TSPAN9: variants seen among roughly 807,000 people sequenced by gnomAD.
TSPAN9 encodes the protein tetraspanin 9, also known as tetraspanin-9.
Under a neutral mutation model 31.0 loss-of-function variants are expected in TSPAN9, and 16 were observed. That is an observed-to-expected ratio of 0.52 (90% CI 0.35 to 0.78). TSPAN9 has a LOEUF of 0.78. Among genes scored for constraint, TSPAN9 ranks in the 30% least tolerant of loss-of-function variants. The pLI, the probability that TSPAN9 is intolerant of heterozygous loss-of-function variation, is 0.01. For synonymous variants in TSPAN9, 145 were observed against 121.6 expected, an observed-to-expected ratio of 1.19 and a Z score of -1.27; for missense variants, 272 against 312.5, an observed-to-expected ratio of 0.87 and a Z score of 0.98.
chr12:3,142,698 T>C (rs1202714852), intron 2 of TSPAN9, among the ~76,000 whole-genome samples: 1 of 152,206 alleles, frequency 6.6e-6, no homozygotes, highest in Non-Finnish European at 1.5e-5. Flanking sequence ...GTGCCTGCGG[T>C]GCGTATCTCC....
chr12:3,205,871 G>C (rs539393413), intron 3 of TSPAN9, among the ~76,000 whole-genome samples: 1 of 152,254 alleles, frequency 6.6e-6, no homozygotes, highest in African/African-American at 2.4e-5. Flanking sequence ...CTCCTGGAAT[G>C]TGGCCGTGAG....
Position 3,280,356 on chromosome 12 carries a change from T to C in TSPAN9, c.331-26T>C. ...ACGAGCTGCGTCCTGGTTCCAACCG[T>C]CTCACTGTGTCCCTCCGCCTGGCAG... is the stretch of plus-strand genomic sequence containing the variant. On this transcript the variant is annotated intron_variant, in intron 5 of 8. Transcript: ENST00000011898. This position sits in a 1 kb window ranked among gnomAD's most constrained non-coding sequence, Gnocchi z 4.5. 6.2e-7 allele frequency: 1 copy of C among 1,607,150 alleles called. No homozygotes were observed. The highest frequency in any genetic ancestry group is 8.5e-7 in the Non-Finnish European group (1 of 1,176,598).
At chr12:3,177,822 A>C (rs906514146) in intron 2 of TSPAN9, among the ~76,000 whole-genome samples, 1 of 152,210 alleles carries the variant, frequency 6.6e-6, no homozygotes, top group Non-Finnish European at 1.5e-5. Context: ...CCAGGAAACA[A>C]AGAAGTGAAA....
intron 2 of TSPAN9, among the ~76,000 whole-genome samples, chr12:3,152,133 C>A (rs2098340072): frequency 1.3e-5 from 2 of 152,190 alleles, no homozygotes; most frequent in African/African-American, 4.8e-5. Flanking sequence ...GGGAGTCTGA[C>A]CAGCTTGGAA....
intron 2 of TSPAN9, among the ~76,000 whole-genome samples, chr12:3,116,381 G>A (rs2098322427): frequency 6.6e-6 from 1 of 152,206 alleles, no homozygotes; most frequent in Non-Finnish European, 1.5e-5. Flanking sequence ...TACCTACCAT[G>A]TGATGACAGG....
At chr12:3,264,701 T>C (rs1862511067) in intron 3 of TSPAN9, among the ~76,000 whole-genome samples, 1 of 152,246 alleles carries the variant, frequency 6.6e-6, no homozygotes, top group Non-Finnish European at 1.5e-5. Flanking sequence ...GAAGGATGGC[T>C]GCAGGCTATA....
At chr12:3,161,781 A>G (rs1428670477) in intron 2 of TSPAN9, among the ~76,000 whole-genome samples, 1 of 144,672 alleles carries the variant, frequency 6.9e-6, no homozygotes, top group South Asian at 2.2e-4. Flanking sequence ...AAATCTATCT[A>G]TCTATCTATC....
intron 3 of TSPAN9, among the ~76,000 whole-genome samples, chr12:3,218,316 C>G (rs79351976): frequency 0.067 from 10,212 of 152,262 alleles, 933 homozygotes; most frequent in African/African-American, 0.21. Flanking sequence ...CAGCTGAGGT[C>G]AGGGAGGAAA....
At chr12:3,220,419 G>A (rs1323167468) in intron 3 of TSPAN9, among the ~76,000 whole-genome samples, 1 of 152,214 alleles carries the variant, frequency 6.6e-6, no homozygotes, top group Non-Finnish European at 1.5e-5. Context: ...GCATGGGTGG[G>A]CACCCCAGAG....
At chr12:3,271,546 A>G (rs1463668966) in intron 3 of TSPAN9, among the ~76,000 whole-genome samples, 1 of 17,348 alleles carries the variant, frequency 5.8e-5, no homozygotes, top group African/African-American at 1.7e-4. Flanking sequence ...GGTATGCAGA[A>G]AAAAAAAAAA....
chr12:3,205,149 A>G (rs1462794924), intron 3 of TSPAN9, among the ~76,000 whole-genome samples: 3 of 152,160 alleles, frequency 2.0e-5, no homozygotes, highest in Non-Finnish European at 4.4e-5. Flanking sequence ...TGCTGGCGTA[A>G]TTGCTACTTA....
chr12:3,090,715 G>A (rs906991086), intron 2 of TSPAN9, among the ~76,000 whole-genome samples: 6 of 152,112 alleles, frequency 3.9e-5, no homozygotes, highest in Non-Finnish European at 8.8e-5. Flanking sequence ...TGGGGAGGAC[G>A]CGGACGTGCG....
At chr12:3,094,882 A>AT (rs1184794638) in intron 2 of TSPAN9, among the ~76,000 whole-genome samples, 1 of 86,940 alleles carries the variant, frequency 1.2e-5, no homozygotes, top group East Asian at 3.2e-4. Flanking sequence ...TTTTAAATTT[A>AT]TTTTTTTATT....
intron 2 of TSPAN9, among the ~76,000 whole-genome samples, chr12:3,177,464 G>C (rs540216519): frequency 6.6e-6 from 1 of 152,040 alleles, no homozygotes; most frequent in Non-Finnish European, 1.5e-5. Context: ...ATGGAGTCTC[G>C]CTCTGTTGCC....
chr12:3,097,833 A>G (rs1860428), intron 2 of TSPAN9, among the ~76,000 whole-genome samples: 76,001 of 152,094 alleles, frequency 0.5, 19,918 homozygotes, highest in African/African-American at 0.64. Flanking sequence ...GACAGCTCTG[A>G]TCTCAAATGA....
At chr12:3,194,998 G>T (rs1014054084) in intron 2 of TSPAN9, among the ~76,000 whole-genome samples, 12 of 152,220 alleles carry the variant, frequency 7.9e-5, no homozygotes, top group African/African-American at 2.7e-4. Flanking sequence ...TTAAAAATTG[G>T]GGGGAGGTGA....
intron 3 of TSPAN9, among the ~76,000 whole-genome samples, chr12:3,226,085 T>G (rs2098387007): frequency 6.8e-6 from 1 of 148,016 alleles, no homozygotes. Flanking sequence ...TAGGGAGAGG[T>G]GACATTAGAG....
chr12:3,111,605 C>CTT (rs59487749), intron 2 of TSPAN9, among the ~76,000 whole-genome samples: 46 of 136,118 alleles, frequency 3.4e-4, no homozygotes, highest in Admixed American at 4.5e-4. Context: ...CGTGCATTAC[C>CTT]TTTTTTTTTT....
intron 1 of TSPAN9, among the ~76,000 whole-genome samples, chr12:3,082,014 G>A (rs910204054): frequency 4.6e-5 from 7 of 151,770 alleles, no homozygotes; most frequent in Admixed American, 3.3e-4. Context: ...AAAAAAGTCT[G>A]TGCTAAGTTC....
Sources: gnomAD v4.1 joint callset for allele counts (sites outside exome capture counted in the v4.1 genomes callset) on GRCh38, gnomAD v4.1.1 for gene constraint, Gnocchi (gnomAD v3.1) non-coding constraint, MANE v1.5 for transcripts, NCBI Gene and HGNC (gene_info 2026-07-23, HGNC 2026-07-21) for gene names.